PCDHA6: variants seen among roughly 807,000 people sequenced by gnomAD.
PCDHA6 encodes the protein protocadherin alpha-6.
In PCDHA6, 55 loss-of-function variants were observed where a neutral mutation model predicts 60.3. The ratio of observed to expected loss-of-function variants is 0.91; its 90% CI spans 0.73 to 1.14. PCDHA6 has a LOEUF of 1.14. Ranked by LOEUF, PCDHA6 falls within the 50% of genes most tolerant of loss-of-function variation. The probability of loss-of-function intolerance (pLI) is 0.00; values close to 1 mark genes in which losing one functional copy is unlikely to be tolerated. For missense variants in PCDHA6, 1,327 were observed against 1,256.5 expected (o/e 1.06, Z -0.85); for synonymous variants, 652 against 557.9 (o/e 1.17, Z -2.38).
At chr5:140,835,878 G>A (rs138465402) in intron 1 of PCDHA6, 6 of 1,611,878 alleles carry the variant, frequency 3.7e-6, no homozygotes, top group Non-Finnish European at 5.1e-6. Context: ...GGAGCTGCGG[G>A]TGGGCGAGCG....
At chr5:140,894,569 CT>C (rs556288790) in intron 1 of PCDHA6, among the ~76,000 whole-genome samples, 1 of 151,328 alleles carries the variant, frequency 6.6e-6, no homozygotes, top group Non-Finnish European at 1.5e-5. Flanking sequence ...AATTATTTTC[CT>C]TTTTTTTAAT....
At chr5:140,980,948 G>C (rs72802987) in intron 2 of PCDHA6, among the ~76,000 whole-genome samples, 1 of 152,206 alleles carries the variant, frequency 6.6e-6, no homozygotes, top group Non-Finnish European at 1.5e-5. Flanking sequence ...CTGGCTCCAG[G>C]ATAGTTACAC....
At chr5:140,838,076 T>G (rs13170073) in intron 1 of PCDHA6, among the ~76,000 whole-genome samples, 582 of 31,102 alleles carry the variant, frequency 0.019, 3 homozygotes, top group Middle Eastern at 0.08. Flanking sequence ...TATATATATA[T>G]AGTGTGTGTG....
At chr5:140,913,619 G>A (rs188632685) in intron 1 of PCDHA6, among the ~76,000 whole-genome samples, 1 of 151,848 alleles carries the variant, frequency 6.6e-6, no homozygotes, top group Non-Finnish European at 1.5e-5. Context: ...TACTAATTTT[G>A]GATTCAGTTT....
chr5:140,955,397 A>G (rs1470827673), intron 1 of PCDHA6, among the ~76,000 whole-genome samples: 1 of 152,130 alleles, frequency 6.6e-6, no homozygotes, highest in Non-Finnish European at 1.5e-5. Context: ...CAATTATCCC[A>G]TACAGTTCTC....
chr5:140,869,205 C>A (rs782278064), intron 1 of PCDHA6: 1 of 1,613,994 alleles, frequency 6.2e-7, no homozygotes, highest in Non-Finnish European at 8.5e-7. Flanking sequence ...TCCACTACTC[C>A]GTCTCGGAGG....
At chr5:140,870,863 G>A in intron 1 of PCDHA6, 1 of 1,613,928 alleles carries the variant, frequency 6.2e-7, no homozygotes, top group Non-Finnish European at 8.5e-7. Flanking sequence ...GTGGGTGCGG[G>A]CCACGTGGTG....
chr5:140,960,395 AG>A (rs562972971), intron 1 of PCDHA6, among the ~76,000 whole-genome samples: 1 of 152,150 alleles, frequency 6.6e-6, no homozygotes, highest in African/African-American at 2.4e-5. Context: ...TTAGGATGCA[AG>A]GGGGGGTGCC....
At position 140,853,409 on chromosome 5, in the gene PCDHA6, G is replaced by C. The variant is rs2042740384; in HGVS notation, c.2394+22924G>C. 1.0e-5 allele frequency: 10 copies of C among 985,968 alleles called. 2 individuals are homozygous for C. Among genetic ancestry groups the C allele is most frequent in the Non-Finnish European group, 1.2e-5 (10 of 818,342 alleles). 61.1% of individuals were successfully genotyped at this position (985,968 alleles called of 1,614,324 possible). On this transcript the variant is annotated intron_variant, in intron 1 of 3. Transcript: ENST00000529310. Reference sequence around the variant, plus strand: ...CAGCCTGTCAAGTTCAAAACAGAGAGGTGAAAGCAGAAGAGACACTTTCCT... The same window carrying C: ...CAGCCTGTCAAGTTCAAAACAGAGACGTGAAAGCAGAAGAGACACTTTCCT...
intron 1 of PCDHA6, among the ~76,000 whole-genome samples, chr5:140,873,597 T>C (rs2054375206): frequency 6.6e-6 from 1 of 152,354 alleles, no homozygotes; most frequent in Middle Eastern, 3.4e-3. Context: ...TAAACTTAGA[T>C]GTTCCTATTG....
intron 1 of PCDHA6, among the ~76,000 whole-genome samples, chr5:140,893,957 G>T (rs1308768731): frequency 1.3e-5 from 2 of 152,100 alleles, no homozygotes; most frequent in African/African-American, 4.8e-5. Context: ...GACTTTATTA[G>T]TCATTAGATA....
chr5:140,938,875 C>T (rs2092238013), intron 1 of PCDHA6, among the ~76,000 whole-genome samples: 1 of 151,912 alleles, frequency 6.6e-6, no homozygotes. Flanking sequence ...AGTTAAGAAG[C>T]AACACACACA....
intron 1 of PCDHA6, chr5:140,966,548 A>G (rs2096020413): frequency 2.1e-6 from 1 of 465,426 alleles, no homozygotes; most frequent in Admixed American, 4.3e-5. Flanking sequence ...CTCGGAGGCG[A>G]GCGGAGGAGC....
intron 1 of PCDHA6, chr5:140,882,745 T>A (rs782756975): frequency 4.3e-6 from 7 of 1,614,124 alleles, no homozygotes; most frequent in African/African-American, 1.3e-5. Flanking sequence ...GCGCATCCGA[T>A]GCAGATATTG....
chr5:140,851,627 C>G (rs1278178767), intron 1 of PCDHA6: 1 of 918,180 alleles, frequency 1.1e-6, no homozygotes, highest in Admixed American at 6.3e-5. Context: ...GCTTTTTAAA[C>G]AAGTGTTTCC....
chr5:140,901,069 T>C (rs1175492593), intron 1 of PCDHA6, among the ~76,000 whole-genome samples: 2 of 152,186 alleles, frequency 1.3e-5, no homozygotes, highest in Admixed American at 6.5e-5. Context: ...GATTTTTTTT[T>C]CTATAGAGTT....
At chr5:140,868,907 AC>A in intron 1 of PCDHA6, 2 of 869,128 alleles carry the variant, frequency 2.3e-6, no homozygotes, top group Non-Finnish European at 3.4e-6. Flanking sequence ...GTCGCTCTTT[AC>A]TTGGTGGAAA....
At chr5:140,849,350 T>C in intron 1 of PCDHA6, 1 of 1,437,842 alleles carries the variant, frequency 7.0e-7, no homozygotes, top group Non-Finnish European at 9.5e-7. Flanking sequence ...CCAGTGATGT[T>C]TCTCCAGATA....
At chr5:140,871,976 C>A (rs2053421346) in intron 1 of PCDHA6, among the ~76,000 whole-genome samples, 1 of 152,206 alleles carries the variant, frequency 6.6e-6, no homozygotes, top group Non-Finnish European at 1.5e-5. Context: ...CCTATGATGT[C>A]CAGGTTGGAC....
Sources: allele counts gnomAD v4.1 joint callset (sites outside exome capture counted in the v4.1 genomes callset), GRCh38; gene constraint gnomAD v4.1.1; transcripts MANE v1.5; gene names NCBI Gene and HGNC (gene_info 2026-07-23, HGNC 2026-07-21).